TTC8: variants seen among roughly 807,000 people sequenced by gnomAD.
TTC8 encodes tetratricopeptide repeat domain 8.
Under a neutral mutation model 72.5 loss-of-function variants are expected in TTC8, and 47 were observed. The observed-to-expected ratio is 0.65, with a 90% CI of 0.51 to 0.83. The LOEUF is 0.83. TTC8 is among the 40% of genes least tolerant of loss of function. The pLI, the probability that TTC8 is intolerant of heterozygous loss-of-function variation, is 0.00. For missense variants in TTC8, 611 were observed against 623.2 expected, an observed-to-expected ratio of 0.98 and a Z score of 0.21; for synonymous variants, 199 against 221.4, an observed-to-expected ratio of 0.90 and a Z score of 0.90.
intron 14 of TTC8, among the ~76,000 whole-genome samples, chr14:88,875,485 C>G (rs1271756382): frequency 6.6e-6 from 1 of 152,086 alleles, no homozygotes; most frequent in Non-Finnish European, 1.5e-5. Context: ...GTTTCTGGTA[C>G]AATTGCTGTA....
rs143748435 is a variant in TTC8, at chr14:88,845,051, A to G, written c.624+1201A>G. On this transcript the variant is annotated intron_variant, in intron 7 of 14. Transcript: ENST00000380656. ...GAAAGGGAAAAATTCAGAAGGGATG[A>G]TATTAGTAAAGATCCATGAAAATAA... 3.6e-4 allele frequency among the ~76,000 whole-genome samples: 55 copies of G among 152,342 alleles called. 1 individual carries two copies. Among genetic ancestry groups the G allele is most frequent in the African/African-American group, 1.3e-3 (55 of 41,594 alleles).
rs1352390503 is a variant in TTC8, at chr14:88,871,724, G to T, written c.1224+1G>T. The stretch of plus-strand genomic sequence containing the variant: ...GTACAACTTGGGACATGTAGCTGTG[G>T]TATGTTGTCTTACTGATATAATTTC... On this transcript the variant is annotated splice_donor_variant, in intron 12 of 14. Transcript: ENST00000380656. LOFTEE classifies it high-confidence loss of function. The surrounding 1 kb of genome is among the most constrained non-coding windows in gnomAD (Gnocchi z 4.1). 1.9e-6 allele frequency: 3 copies of T among 1,614,062 alleles called. No homozygotes were observed. Among genetic ancestry groups the T allele is most frequent in the South Asian group, 1.1e-5 (1 of 91,080 alleles).
intron 10 of TTC8, among the ~76,000 whole-genome samples, chr14:88,866,716 G>C (rs534609910): frequency 6.6e-6 from 1 of 152,230 alleles, no homozygotes; most frequent in Admixed American, 6.5e-5. Flanking sequence ...TTCCTGTGTT[G>C]TTGAACTATG....
At position 88,853,805 on chromosome 14, in the gene TTC8, G is replaced by A. The variant is rs2094844329; in HGVS notation, c.710+749G>A. ...TATTTATATAGCAACTAGTAAATAA[G>A]ATCTGAAACTTGTTGCTGATATTGA... is the stretch of plus-strand genomic sequence containing the variant. On this transcript the variant is annotated intron_variant, in intron 8 of 14. Transcript: ENST00000380656. Among the ~76,000 whole-genome samples the A allele has an allele frequency of 2.6e-5, 4 of 152,254 alleles. No individual in the cohort carries two copies. In the Middle Eastern group the frequency reaches 0.01, roughly 388 times the overall value.
intron 7 of TTC8, among the ~76,000 whole-genome samples, chr14:88,845,610 C>G (rs1470460564): frequency 4.6e-5 from 7 of 152,136 alleles, no homozygotes; most frequent in Admixed American, 2.6e-4. Context: ...GAGGGGCTTT[C>G]AGCATGATGA....
chr14:88,872,182 A>T, intron 12 of TTC8, 148 bp from the exon 13 acceptor site: 1 of 1,207,474 alleles, frequency 8.3e-7, no homozygotes, highest in Non-Finnish European at 1.2e-6. Flanking sequence ...TTCTTAGGTT[A>T]AATCCACTTA....
In TTC8 at chr14:88,845,707, G is replaced by C. The variant is rs185130846; in HGVS notation, c.624+1857G>C. 2.1e-3 allele frequency among the ~76,000 whole-genome samples: 318 copies of C among 152,220 alleles called. 2 individuals are homozygous for C. Among genetic ancestry groups the C allele is most frequent in the Middle Eastern group, 6.8e-3 (2 of 294 alleles). On this transcript the variant is annotated intron_variant, in intron 7 of 14. Transcript: ENST00000380656. Reference sequence around the variant, plus strand: ...AATTAGTAAATCTCAAATTACTAGAGTATCATAAAGTGATACTCTTGTATT... The same window carrying C: ...AATTAGTAAATCTCAAATTACTAGACTATCATAAAGTGATACTCTTGTATT...
In TTC8 at chr14:88,860,280, G is replaced by T. The variant is rs528286993; in HGVS notation, c.799-942G>T. On this transcript the variant is annotated intron_variant, in intron 9 of 14. Coordinates refer to ENST00000380656, the MANE Select transcript of TTC8 (RefSeq NM_144596.4). ...TTTTTTCTCAAAGCACACCCTTACT[G>T]TTTAGAAAGTGGATCCGAAAATCAT... Among the ~76,000 whole-genome samples, 4 of 151,958 alleles carry T rather than the reference G, an allele frequency of 2.6e-5. No homozygotes were observed. In the East Asian group the frequency reaches 7.7e-4, roughly 29 times the overall value.
rs1375608189 is a variant in TTC8 at position 88,875,234 on chromosome 14, C to G, written c.1431+125C>G. 16 of 780,656 alleles carry G rather than the reference C, an allele frequency of 2.0e-5. 1 individual carries two copies. 48.4% of individuals were successfully genotyped at this position (780,656 alleles called of 1,614,324 possible). A position where few individuals can be genotyped will look rare whatever the true frequency, so the allele number is the denominator to read the frequency against. The stretch of plus-strand genomic sequence containing the variant: ...CTGAAAGAAATGACTTTTTAAAACT[C>G]TTAATTACTGCATTTATTTATACAT... On this transcript the variant is annotated intron_variant, in intron 14 of 14. Coordinates refer to ENST00000380656, the MANE Select transcript of TTC8 (RefSeq NM_144596.4).
chr14:88,864,835 C>T (rs17773901), intron 10 of TTC8, among the ~76,000 whole-genome samples: 1,750 of 152,300 alleles, frequency 0.011, 23 homozygotes, highest in Non-Finnish European at 0.018. Flanking sequence ...CTTCATGTGA[C>T]AATAGATGTC....
intron 1 of TTC8, among the ~76,000 whole-genome samples, chr14:88,830,057 A>G (rs2094719074): frequency 6.6e-6 from 1 of 152,184 alleles, no homozygotes; most frequent in African/African-American, 2.4e-5. Flanking sequence ...AAATCCATCA[A>G]TTCCTCTATT....
At chr14:88,867,030 A>T (rs2094913084) in intron 10 of TTC8, among the ~76,000 whole-genome samples, 1 of 152,240 alleles carries the variant, frequency 6.6e-6, no homozygotes, top group African/African-American at 2.4e-5. Context: ...TTTTTCACTC[A>T]ATCAGATCAG....
chr14:88,826,886 AAATGTAT>A (rs1423533032), intron 1 of TTC8, among the ~76,000 whole-genome samples: 1 of 152,200 alleles, frequency 6.6e-6, no homozygotes, highest in East Asian at 1.9e-4. Flanking sequence ...TACATTTGGG[AAATGTAT>A]GTTCCTTCTT....
Position 88,871,682 on chromosome 14 carries a change from G to A in TTC8, c.1183G>A (p.Glu395Lys), listed in dbSNP as rs754152338. The A allele has an allele frequency of 3.7e-6, 6 of 1,614,116 alleles. No individual in the cohort carries two copies. The South Asian group carries it at 6.6e-5, about 18-fold the overall frequency. ...CCTTTCTTTGGCTGAAAATGAAGAA[G>A]AGGCAGCTGATGTCTGGTACAACTT... ...RALSLAENEE[E>K]AADVWYNLGH... Residue 395 changes from glutamate to lysine, a missense_variant, in exon 12 of 15, where the codon GAG becomes AAG. Transcript: ENST00000380656. This position sits in a 1 kb window ranked among gnomAD's most constrained non-coding sequence, Gnocchi z 4.1.
rs2094839558 is a variant in TTC8, at chr14:88,852,879, G to A, written c.625-92G>A. 2.8e-6 allele frequency: 3 copies of A among 1,090,356 alleles called. No homozygotes were observed. In the South Asian group the frequency reaches 4.0e-5, roughly 14 times the overall value. 67.5% of individuals were successfully genotyped at this position (1,090,356 alleles called of 1,614,324 possible). A position where few individuals can be genotyped will look rare whatever the true frequency, so the allele number is the denominator to read the frequency against. ...GGATTTCTAATGCACATTTTGATTG[G>A]TGCTAATTATATGGTCTATTTCATT... On this transcript the variant is annotated intron_variant, in intron 7 of 14. Transcript: ENST00000380656.
chr14:88,845,905 T>TA (rs1386757363), intron 7 of TTC8, among the ~76,000 whole-genome samples: 1 of 151,912 alleles, frequency 6.6e-6, no homozygotes, highest in East Asian at 1.9e-4. Context: ...TATGAAGTCT[T>TA]ATGGGCTAAT....
At chr14:88,863,209 C>G (rs574203822) in intron 10 of TTC8, among the ~76,000 whole-genome samples, 5 of 152,216 alleles carry the variant, frequency 3.3e-5, no homozygotes, top group African/African-American at 9.6e-5. Flanking sequence ...GAGGGTCCCC[C>G]AAACCACGCT....
At chr14:88,830,416 T>C (rs1217701238) in intron 1 of TTC8, among the ~76,000 whole-genome samples, 1 of 152,174 alleles carries the variant, frequency 6.6e-6, no homozygotes, top group African/African-American at 2.4e-5. Flanking sequence ...TTCTGAGTTC[T>C]GAAAGGGGGA....
intron 10 of TTC8, among the ~76,000 whole-genome samples, chr14:88,862,522 T>TTC (rs1262811355): frequency 3.4e-5 from 3 of 88,776 alleles, no homozygotes; most frequent in African/African-American, 8.2e-5. Context: ...TTACATTCCA[T>TTC]TCTCTCTCTC....
Sources: gnomAD v4.1 joint callset for allele counts (sites outside exome capture counted in the v4.1 genomes callset) on GRCh38, gnomAD v4.1.1 for gene constraint, Gnocchi (gnomAD v3.1) non-coding constraint, MANE v1.5 for transcripts, NCBI Gene and HGNC (gene_info 2026-07-23, HGNC 2026-07-21) for gene names.